The following TENM3 variants were observed in gnomAD, a reference collection of about 807,000 sequenced individuals.
The protein encoded by TENM3 is teneurin-3.
A neutral mutation model predicts 255.1 loss-of-function variants in TENM3; 63 were observed. The observed-to-expected ratio is 0.25, with a 90% CI of 0.20 to 0.30. The LOEUF (loss-of-function observed/expected upper bound fraction) is 0.30, where lower values mean the gene tolerates loss of function less well. Among genes scored for constraint, TENM3 ranks in the 10% least tolerant of loss-of-function variants. The probability of loss-of-function intolerance (pLI) is 1.00; values close to 1 mark genes in which losing one functional copy is unlikely to be tolerated. For missense variants in TENM3, 2,929 were observed against 3,461.1 expected, an observed-to-expected ratio of 0.85 and a Z score of 3.86; for synonymous variants, 1,306 against 1,322.3, an observed-to-expected ratio of 0.99 and a Z score of 0.27.
At chr4:182,582,053 C>T (rs970451194) in intron 3 of TENM3, among the ~76,000 whole-genome samples, 2 of 152,154 alleles carry the variant, frequency 1.3e-5, no homozygotes, top group African/African-American at 4.8e-5. Flanking sequence ...TTTTTCATCT[C>T]TGTTCCCCTA....
At chr4:181,804,067 A>ACC in the TENM3 span, among the ~76,000 whole-genome samples, 1 of 48,768 alleles carries the variant, frequency 2.1e-5, no homozygotes, top group Non-Finnish European at 4.9e-5. Flanking sequence ...AGAGAAAGAG[A>ACC]AAGGAAAGAA....
chr4:181,496,643 A>G, the TENM3 span, among the ~76,000 whole-genome samples: 1 of 152,232 alleles, frequency 6.6e-6, no homozygotes. Flanking sequence ...TTTCGTTAGC[A>G]TCGATTTACT....
chr4:181,851,479 A>G, the TENM3 span, among the ~76,000 whole-genome samples: 9,095 of 152,218 alleles, frequency 0.06, 513 homozygotes, highest in East Asian at 0.19. Context: ...TTCAAATCTG[A>G]TGCTTTTAAA....
intron 16 of TENM3, among the ~76,000 whole-genome samples, chr4:182,735,484 C>T (rs898634751): frequency 5.3e-5 from 8 of 152,148 alleles, no homozygotes; most frequent in Non-Finnish European, 1.2e-4. Context: ...AGATAGACAT[C>T]ATCTTTAACT....
chr4:182,521,109 A>G (rs531134072), intron 3 of TENM3, among the ~76,000 whole-genome samples: 1 of 152,320 alleles, frequency 6.6e-6, no homozygotes, highest in African/African-American at 2.4e-5. Context: ...GAAGCATCTA[A>G]AACTTAGAAA....
At chr4:182,426,094 A>C (rs1474584553) in intron 3 of TENM3, among the ~76,000 whole-genome samples, 3 of 151,650 alleles carry the variant, frequency 2.0e-5, no homozygotes, top group Non-Finnish European at 4.4e-5. Context: ...TTTCTTCCCA[A>C]AACGTTCTAA....
the TENM3 span, among the ~76,000 whole-genome samples, chr4:181,887,052 A>G: frequency 2.0e-5 from 3 of 152,126 alleles, no homozygotes; most frequent in African/African-American, 7.2e-5. Flanking sequence ...GTTTTATTTC[A>G]TGAGTTCTTC....
the TENM3 span, among the ~76,000 whole-genome samples, chr4:181,861,641 C>T: frequency 1.3e-5 from 2 of 152,022 alleles, no homozygotes; most frequent in Non-Finnish European, 2.9e-5. Context: ...GTCAAAATGG[C>T]TATAATATAC....
the TENM3 span, among the ~76,000 whole-genome samples, chr4:181,536,428 G>A: frequency 6.6e-6 from 1 of 152,220 alleles, no homozygotes; most frequent in Non-Finnish European, 1.5e-5. Flanking sequence ...CAAGAGAGGA[G>A]CATTCTAGAA....
the TENM3 span, among the ~76,000 whole-genome samples, chr4:182,011,947 A>G: frequency 6.6e-6 from 1 of 152,204 alleles, no homozygotes; most frequent in African/African-American, 2.4e-5. Context: ...GGGGAATCAC[A>G]GACTAAGCCC....
At chr4:182,260,438 C>A (rs1327299256) in intron 1 of TENM3, among the ~76,000 whole-genome samples, 7 of 151,652 alleles carry the variant, frequency 4.6e-5, no homozygotes, top group African/African-American at 1.5e-4. Context: ...TGAAAAAGAA[C>A]AAAAAAAGTG....
the TENM3 span, among the ~76,000 whole-genome samples, chr4:181,714,072 T>C: frequency 6.6e-6 from 1 of 152,208 alleles, no homozygotes; most frequent in African/African-American, 2.4e-5. Context: ...CCCCTGGGCA[T>C]AGTGGTCCTC....
At chr4:181,973,844 A>G in the TENM3 span, among the ~76,000 whole-genome samples, 1 of 152,192 alleles carries the variant, frequency 6.6e-6, no homozygotes, top group African/African-American at 2.4e-5. Flanking sequence ...GTTTAAGCAA[A>G]GGCTTGAAGG....
At chr4:181,473,263 A>G in the TENM3 span, among the ~76,000 whole-genome samples, 4 of 152,090 alleles carry the variant, frequency 2.6e-5, no homozygotes, top group Admixed American at 2.0e-4. Flanking sequence ...TTTTTCACAG[A>G]CACCTCTGGC....
chr4:182,104,503 C>CT, the TENM3 span, among the ~76,000 whole-genome samples: 227 of 66,188 alleles, frequency 3.4e-3, 10 homozygotes, highest in East Asian at 8.5e-3. Context: ...ACTGTTGACT[C>CT]TTTTTTTTTT....
At chr4:182,565,590 A>G (rs904680792) in intron 3 of TENM3, among the ~76,000 whole-genome samples, 1 of 152,180 alleles carries the variant, frequency 6.6e-6, no homozygotes, top group African/African-American at 2.4e-5. Context: ...ACCAATGATC[A>G]TTTACCAGTA....
At chr4:182,654,690 C>T (rs1386334393) in intron 6 of TENM3, among the ~76,000 whole-genome samples, 3 of 151,992 alleles carry the variant, frequency 2.0e-5, no homozygotes, top group African/African-American at 2.4e-5. Context: ...CTCTTTGTTT[C>T]TTGTCTAGTA....
At chr4:182,443,753 C>G (rs1331284814) in intron 3 of TENM3, among the ~76,000 whole-genome samples, 1 of 152,182 alleles carries the variant, frequency 6.6e-6, no homozygotes, top group African/African-American at 2.4e-5. Flanking sequence ...TCCTCCTCCT[C>G]CCTGCCTGCC....
intron 1 of TENM3, among the ~76,000 whole-genome samples, chr4:182,214,455 A>G (rs990439913): frequency 6.6e-6 from 1 of 152,088 alleles, no homozygotes; most frequent in Non-Finnish European, 1.5e-5. Flanking sequence ...ATTTACTACT[A>G]TGTTTGTGGA....
Sources: gnomAD v4.1 joint callset for allele counts (sites outside exome capture counted in the v4.1 genomes callset) on GRCh38, gnomAD v4.1.1 for gene constraint, MANE v1.5 for transcripts, NCBI Gene and HGNC (gene_info 2026-07-23, HGNC 2026-07-21) for gene names.